TMEM150C: variants seen among roughly 807,000 people sequenced by gnomAD.
The protein encoded by TMEM150C is tentonin 3.
A neutral mutation model predicts 29.9 loss-of-function variants in TMEM150C; 10 were observed. That is an observed-to-expected ratio of 0.33 (90% confidence interval 0.21 to 0.57). The LOEUF (loss-of-function observed/expected upper bound fraction) is 0.57. TMEM150C is among the 20% of genes least tolerant of loss of function. The pLI, the probability that TMEM150C is intolerant of heterozygous loss-of-function variation, is 0.88. For missense variants in TMEM150C, 251 were observed against 303.6 expected (o/e 0.83, Z 1.29); for synonymous variants, 101 against 112.5 (o/e 0.90, Z 0.64).
intron 6 of TMEM150C, chr4:82,495,839 C>T: frequency 1.8e-6 from 1 of 541,550 alleles, no homozygotes; most frequent in South Asian, 2.7e-5. Flanking sequence ...CGTTCATCTT[C>T]CACTTTAATG....
intron 5 of TMEM150C, among the ~76,000 whole-genome samples, chr4:82,499,871 T>C (rs1262269272): frequency 6.6e-6 from 1 of 152,152 alleles, no homozygotes; most frequent in East Asian, 1.9e-4. Flanking sequence ...TGGCCAAATT[T>C]TTGTTTTGTT....
At chr4:82,510,234 G>A (rs1027194118) in intron 1 of TMEM150C, among the ~76,000 whole-genome samples, 1 of 152,022 alleles carries the variant, frequency 6.6e-6, no homozygotes, top group East Asian at 1.9e-4. Flanking sequence ...AGCCGTGATC[G>A]CACCACTGCA....
intron 6 of TMEM150C, chr4:82,490,800 A>T: frequency 2.1e-6 from 1 of 475,370 alleles, no homozygotes; most frequent in South Asian, 1.9e-5. Context: ...TTTTTTAAGT[A>T]CAGAAAACTC....
chr4:82,559,599 C>G (rs932176526), intron 1 of TMEM150C, among the ~76,000 whole-genome samples: 1 of 152,230 alleles, frequency 6.6e-6, no homozygotes, highest in Middle Eastern at 3.4e-3. Flanking sequence ...TATTACACAC[C>G]TGTGTCTAGT....
chr4:82,541,028 T>C (rs1725184192), intron 1 of TMEM150C, among the ~76,000 whole-genome samples: 1 of 152,182 alleles, frequency 6.6e-6, no homozygotes, highest in South Asian at 2.1e-4. Flanking sequence ...AATTTATTTA[T>C]TTTTGAAAAG....
intron 1 of TMEM150C, among the ~76,000 whole-genome samples, chr4:82,527,540 G>C (rs189713257): frequency 6.6e-6 from 1 of 152,248 alleles, no homozygotes; most frequent in Admixed American, 6.5e-5. Flanking sequence ...CAAGGCTGAC[G>C]AGGGCTGACC....
intron 1 of TMEM150C, among the ~76,000 whole-genome samples, chr4:82,553,285 A>T (rs1247321544): frequency 1.3e-5 from 2 of 152,372 alleles, no homozygotes; most frequent in Admixed American, 1.3e-4. Flanking sequence ...ACACAAAGAG[A>T]TAATGATTTA....
intron 1 of TMEM150C, among the ~76,000 whole-genome samples, chr4:82,517,446 A>G (rs1293116752): frequency 6.6e-6 from 1 of 152,196 alleles, no homozygotes; most frequent in Non-Finnish European, 1.5e-5. Flanking sequence ...TCAGTAGACT[A>G]AGTAAAGAAA....
In TMEM150C at chr4:82,536,860, T is replaced by C. The variant is rs191863286; in HGVS notation, c.-11+25046A>G. On this transcript the variant is annotated intron_variant, in intron 1 of 7. Coordinates refer to ENST00000449862, the MANE Select transcript of TMEM150C (RefSeq NM_001080506.3). ...TCTTCATATATAATGTTAGTATCTA[T>C]AAGAAGAGCACTAATGCATCAAAAG... Among the ~76,000 whole-genome samples the C allele has an allele frequency of 3.3e-5, 5 of 152,288 alleles. No homozygotes were observed. The East Asian group carries it at 9.6e-4, about 29-fold the overall frequency.
At chr4:82,555,558 T>C (rs1725710880) in intron 1 of TMEM150C, among the ~76,000 whole-genome samples, 1 of 152,198 alleles carries the variant, frequency 6.6e-6, no homozygotes, top group South Asian at 2.1e-4. Context: ...CCATCAGGCC[T>C]CCTCTTACAC....
chr4:82,550,517 G>A (rs567140914), intron 1 of TMEM150C, among the ~76,000 whole-genome samples: 4 of 152,262 alleles, frequency 2.6e-5, no homozygotes, highest in Non-Finnish European at 5.9e-5. Flanking sequence ...AGAGCTGGAA[G>A]GAGCCAGGCA....
At chr4:82,507,046 C>T (rs893073483) in intron 1 of TMEM150C, among the ~76,000 whole-genome samples, 9 of 151,956 alleles carry the variant, frequency 5.9e-5, no homozygotes, top group Non-Finnish European at 1.2e-4. Context: ...GGAGCTGAAA[C>T]CTAGATTGTG....
At chr4:82,543,140 C>T (rs1725246343) in intron 1 of TMEM150C, among the ~76,000 whole-genome samples, 1 of 152,146 alleles carries the variant, frequency 6.6e-6, no homozygotes, top group South Asian at 2.1e-4. Flanking sequence ...GGATTGGGCC[C>T]AGGGGGTCTA....
At chr4:82,498,762 C>G (rs1190090008) in intron 5 of TMEM150C, among the ~76,000 whole-genome samples, 2 of 152,170 alleles carry the variant, frequency 1.3e-5, no homozygotes, top group African/African-American at 4.8e-5. Context: ...CCCAGGGGAA[C>G]AGAGTTGTTG....
intron 1 of TMEM150C, among the ~76,000 whole-genome samples, chr4:82,541,342 G>A (rs1018269504): frequency 1.3e-5 from 2 of 151,954 alleles, no homozygotes; most frequent in South Asian, 2.1e-4. Context: ...AGAGAGAGGA[G>A]GCAATGTTTC....
At chr4:82,501,451 C>G (rs910561635) in intron 5 of TMEM150C, among the ~76,000 whole-genome samples, 3 of 152,180 alleles carry the variant, frequency 2.0e-5, no homozygotes, top group Non-Finnish European at 4.4e-5. Context: ...GGTAGTGTAG[C>G]AGCCCAGGCT....
intron 1 of TMEM150C, among the ~76,000 whole-genome samples, chr4:82,552,463 G>A (rs1425419611): frequency 6.6e-6 from 1 of 152,092 alleles, no homozygotes; most frequent in Admixed American, 6.5e-5. Flanking sequence ...GTCCCCACCA[G>A]AGCTTTCCTG....
rs1361950301 is a variant in TMEM150C at position 82,492,810 on chromosome 4, AC to A, written c.364-2573del. On this transcript the variant is annotated intron_variant, in intron 6 of 7. Coordinates refer to ENST00000449862, the MANE Select transcript of TMEM150C (RefSeq NM_001080506.3). ...ACTTCTCCAAAAAAAAAAAAAAAAAACAACAAAGTCTATCCATATCCACATC... is the reference window on the plus strand; with the variant it reads ...ACTTCTCCAAAAAAAAAAAAAAAAAAAACAAAGTCTATCCATATCCACATC... Among the ~76,000 whole-genome samples the A allele has an allele frequency of 7.7e-3, 814 of 105,942 alleles. 59 individuals carry two copies. Among genetic ancestry groups the A allele is most frequent in the African/African-American group, 0.016 (427 of 26,674 alleles). The allele number at this position is 105,942 out of a possible 152,430, so 69.5% of individuals were successfully genotyped here. A position where few individuals can be genotyped will look rare whatever the true frequency, so the allele number is the denominator to read the frequency against.
chr4:82,502,971 C>G, intron 3 of TMEM150C, 44 bp from the exon 4 acceptor site: 1 of 1,593,740 alleles, frequency 6.3e-7, no homozygotes, highest in South Asian at 1.1e-5. Context: ...GGTTAAAGCA[C>G]TGTCATTTGT....
Sources: allele counts gnomAD v4.1 joint callset (sites outside exome capture counted in the v4.1 genomes callset), GRCh38; gene constraint gnomAD v4.1.1; transcripts MANE v1.5; gene names NCBI Gene and HGNC (gene_info 2026-07-23, HGNC 2026-07-21).